Variants in SLC2A9 observed in about 807,000 individuals in gnomAD.
SLC2A9 encodes the protein solute carrier family 2, facilitated glucose transporter member 9.
In SLC2A9, 39 loss-of-function variants were observed where a neutral mutation model predicts 50.6. The observed-to-expected ratio is 0.77, with a 90% CI of 0.60 to 1.01. The LOEUF is 1.01. Ranked by LOEUF, SLC2A9 falls within the 50% of genes least tolerant of loss-of-function variation. The pLI, the probability that SLC2A9 is intolerant of heterozygous loss-of-function variation, is 0.00. For synonymous variants in SLC2A9, 324 were observed against 276.9 expected, an observed-to-expected ratio of 1.17 and a Z score of -1.69; for missense variants, 686 against 677.6, an observed-to-expected ratio of 1.01 and a Z score of -0.14.
intron 8 of SLC2A9, among the ~76,000 whole-genome samples, chr4:9,903,813 C>T (rs988538752): frequency 6.8e-6 from 1 of 146,074 alleles, no homozygotes; most frequent in African/African-American, 2.5e-5. Flanking sequence ...AAATATATTT[C>T]AAGATATATA....
chr4:9,829,133 G>A (rs953068618), intron 11 of SLC2A9, among the ~76,000 whole-genome samples: 4 of 152,180 alleles, frequency 2.6e-5, no homozygotes, highest in African/African-American at 7.2e-5. Context: ...GCCGAGCACA[G>A]TAGCTCACAC....
chr4:10,023,325 T>G (rs1267518905), upstream of SLC2A9, among the ~76,000 whole-genome samples: 3 of 152,188 alleles, frequency 2.0e-5, no homozygotes, highest in African/African-American at 7.2e-5. Flanking sequence ...TCCCTGTGCA[T>G]GGAGGGCCCC....
rs115473348 is a variant in SLC2A9 at position 9,807,834 on chromosome 4, G to T, written n.421-8593C>A. On this transcript the variant is annotated intron_variant and non_coding_transcript_variant, in intron 3 of 3. Coordinates refer to the SLC2A9 transcript ENST00000503280. Reference sequence around the variant, plus strand: ...TGCAGTTGAGGCTGGTCAAATGCGTGTTTCTTGTGACTCTCAGGGCCCTAG... The same window carrying T: ...TGCAGTTGAGGCTGGTCAAATGCGTTTTTCTTGTGACTCTCAGGGCCCTAG... Among the ~76,000 whole-genome samples the T allele has an allele frequency of 3.3e-3, 505 of 152,270 alleles. 5 individuals are homozygous for T. Among genetic ancestry groups the T allele is most frequent in the African/African-American group, 0.011 (465 of 41,556 alleles).
chr4:10,027,930 C>T (rs551909982), intron 1 of SLC2A9, among the ~76,000 whole-genome samples: 2 of 152,262 alleles, frequency 1.3e-5, no homozygotes, highest in African/African-American at 4.8e-5. Flanking sequence ...TACGGAACAC[C>T]AGGCTTTATT....
intron 7 of SLC2A9, 66 bp from the exon 8 acceptor site, chr4:9,908,411 C>A: frequency 8.4e-7 from 1 of 1,184,768 alleles, no homozygotes; most frequent in South Asian, 1.3e-5. Flanking sequence ...TTTTCTAAAT[C>A]AAATTTGGGT....
chr4:9,799,525 C>T (rs993824973), intron 3 of SLC2A9, among the ~76,000 whole-genome samples: 8 of 152,016 alleles, frequency 5.3e-5, no homozygotes, highest in Admixed American at 5.2e-4. Context: ...CTAAAGGCAC[C>T]ACCTCTTAAA....
chr4:9,912,347 G>A (rs2110019718), intron 7 of SLC2A9, among the ~76,000 whole-genome samples: 1 of 152,212 alleles, frequency 6.6e-6, no homozygotes, highest in South Asian at 2.1e-4. Context: ...TGCCATGCTA[G>A]GAATGCACCT....
chr4:9,885,636 A>G (rs1201080277), intron 10 of SLC2A9, among the ~76,000 whole-genome samples: 1 of 152,184 alleles, frequency 6.6e-6, no homozygotes, highest in Non-Finnish European at 1.5e-5. Flanking sequence ...GTGGAGCCTT[A>G]CTATGTCTTC....
intron 10 of SLC2A9, among the ~76,000 whole-genome samples, chr4:9,858,126 C>T (rs1731016267): frequency 6.6e-6 from 1 of 152,108 alleles, no homozygotes; most frequent in African/African-American, 2.4e-5. Flanking sequence ...AAAGAACATA[C>T]TGAGTTGTAA....
chr4:9,941,269 A>C (rs925738883), intron 6 of SLC2A9, among the ~76,000 whole-genome samples: 1 of 152,170 alleles, frequency 6.6e-6, no homozygotes, highest in African/African-American at 2.4e-5. Context: ...CCAAGATTTG[A>C]ATCTGACTCA....
intron 10 of SLC2A9, among the ~76,000 whole-genome samples, chr4:9,871,617 A>G (rs1240996362): frequency 6.6e-6 from 1 of 152,224 alleles, no homozygotes; most frequent in African/African-American, 2.4e-5. Flanking sequence ...CCCTAAATCC[A>G]GGATGGCTTC....
chr4:9,875,727 T>C (rs1365541274), intron 10 of SLC2A9, among the ~76,000 whole-genome samples: 3 of 152,094 alleles, frequency 2.0e-5, no homozygotes, highest in African/African-American at 7.2e-5. Flanking sequence ...CCTCCCCTTT[T>C]CCCCCCAGTG....
At position 9,890,723 on chromosome 4, in the gene SLC2A9, T is replaced by A; in HGVS notation, c.1114-12A>T. The stretch of plus-strand genomic sequence containing the variant: ...TCAATGACCAAACCCTAGTCCAGGG[T>A]AAAAGAGAGAGAGAGAGCTATTATT... On this transcript the variant is annotated splice_polypyrimidine_tract_variant and intron_variant, in intron 8 of 11. Transcript: ENST00000264784. 1 of 1,606,878 alleles carries A rather than the reference T, an allele frequency of 6.2e-7. No individual in the cohort carries two copies. Among genetic ancestry groups the A allele is most frequent in the Non-Finnish European group, 8.5e-7 (1 of 1,174,244 alleles).
intron 10 of SLC2A9, among the ~76,000 whole-genome samples, chr4:9,874,248 TA>T (rs56157379): frequency 0.12 from 18,605 of 151,610 alleles, 1,345 homozygotes; most frequent in African/African-American, 0.17. Flanking sequence ...CTTTTGCTAT[TA>T]AAAAAAAATG....
At chr4:9,798,105 G>T (rs3088059), downstream of SLC2A9, among the ~76,000 whole-genome samples, 1 of 152,166 alleles carries the variant, frequency 6.6e-6, no homozygotes, top group South Asian at 2.1e-4. Context: ...CCTTTGGAGG[G>T]ATTTTAGTCA....
intron 1 of SLC2A9, chr4:10,035,418 G>C (rs949533099): frequency 7.9e-5 from 12 of 152,244 alleles, no homozygotes; most frequent in Admixed American, 5.9e-4. Context: ...AGGCATCCCA[G>C]CTCCTCTCAA....
intron 8 of SLC2A9, among the ~76,000 whole-genome samples, chr4:9,900,636 T>A (rs1265650408): frequency 6.6e-6 from 1 of 152,080 alleles, no homozygotes; most frequent in African/African-American, 2.4e-5. Flanking sequence ...ATTAGTTCAT[T>A]CTCATGCTGC....
chr4:9,814,993 G>C, intron 3 of SLC2A9, among the ~76,000 whole-genome samples: 1 of 152,142 alleles, frequency 6.6e-6, no homozygotes, highest in East Asian at 1.9e-4. Flanking sequence ...TGGAGACAGA[G>C]AGGTCCTGTG....
At position 9,783,543 on chromosome 4, in the gene SLC2A9, C is replaced by T. The variant is rs748394404; in HGVS notation, n.386-3478G>A. Reference sequence around the variant, plus strand: ...CACGCACACACACGCAAATACATGCCTTTCCAGTGCTGCTCCCTTTATCAT... The same window carrying T: ...CACGCACACACACGCAAATACATGCTTTTCCAGTGCTGCTCCCTTTATCAT... On this transcript the variant is annotated intron_variant and non_coding_transcript_variant, in intron 3 of 3. Transcript: ENST00000503803. 2.0e-4 allele frequency: 258 copies of T among 1,272,414 alleles called. 1 individual carries two copies. Among genetic ancestry groups the T allele is most frequent in the Non-Finnish European group, 2.3e-4 (216 of 919,830 alleles). 78.8% of individuals were successfully genotyped at this position (1,272,414 alleles called of 1,614,324 possible).
Sources: allele counts gnomAD v4.1 joint callset (sites outside exome capture counted in the v4.1 genomes callset), GRCh38; gene constraint gnomAD v4.1.1; transcripts MANE v1.5; gene names NCBI Gene and HGNC (gene_info 2026-07-23, HGNC 2026-07-21).